SNTB1: variants seen among roughly 807,000 people sequenced by gnomAD.
The protein encoded by SNTB1 is syntrophin beta 1, also known as beta-1-syntrophin.
A neutral mutation model predicts 48.9 loss-of-function variants in SNTB1; 36 were observed. The ratio of observed to expected loss-of-function variants is 0.74; its 90% CI spans 0.56 to 0.97. The LOEUF is 0.97. SNTB1 is among the 50% of genes least tolerant of loss of function. The probability of loss-of-function intolerance (pLI) is 0.00; values close to 1 mark genes in which losing one functional copy is unlikely to be tolerated. For synonymous variants in SNTB1, 299 were observed against 294.6 expected (o/e 1.01, Z -0.15); for missense variants, 786 against 703.4 (o/e 1.12, Z -1.33).
intron 3 of SNTB1, among the ~76,000 whole-genome samples, chr8:120,619,860 C>T (rs993797140): frequency 3.9e-5 from 6 of 152,072 alleles, no homozygotes; most frequent in Admixed American, 2.0e-4. Context: ...TGCATGAAGG[C>T]ATGAAAGACA....
chr8:120,614,497 T>G (rs1415885040), intron 3 of SNTB1, among the ~76,000 whole-genome samples: 2 of 152,364 alleles, frequency 1.3e-5, no homozygotes, highest in East Asian at 3.9e-4. Flanking sequence ...CAGAGTAGCA[T>G]GCCCTTCTAT....
At position 120,707,839 on chromosome 8, in the gene SNTB1, T is replaced by C. The variant is rs74400729; in HGVS notation, c.572-13931A>G. On this transcript the variant is annotated intron_variant, in intron 1 of 6. Coordinates refer to ENST00000517992, the MANE Select transcript of SNTB1 (RefSeq NM_021021.4). The stretch of plus-strand genomic sequence containing the variant: ...TAACATGAAGACATGAGCTAGATTA[T>C]TGCAGTTAATGAGCAATGAATTGCT... 3.9e-5 allele frequency among the ~76,000 whole-genome samples: 6 copies of C among 152,262 alleles called. No homozygotes were observed. The East Asian group carries it at 5.8e-4, about 15-fold the overall frequency.
chr8:120,799,765 A>AT (rs1044777825), intron 1 of SNTB1, among the ~76,000 whole-genome samples: 3 of 151,816 alleles, frequency 2.0e-5, no homozygotes, highest in Non-Finnish European at 4.4e-5. Context: ...TGACTTAGTG[A>AT]TTTTTTCATG....
chr8:120,647,053 TC>T (rs1817309712), intron 2 of SNTB1, among the ~76,000 whole-genome samples: 1 of 146,012 alleles, frequency 6.8e-6, no homozygotes, highest in Non-Finnish European at 1.5e-5. Context: ...GATTCTTCTC[TC>T]TTTTCTTCTT....
intron 2 of SNTB1, among the ~76,000 whole-genome samples, chr8:120,655,745 A>C (rs1399080903): frequency 1.3e-5 from 2 of 152,232 alleles, no homozygotes. Context: ...AGCTTCCCAA[A>C]GATAGAAGCC....
At chr8:120,733,464 G>T (rs1017502071) in intron 1 of SNTB1, among the ~76,000 whole-genome samples, 1 of 152,256 alleles carries the variant, frequency 6.6e-6, no homozygotes, top group Non-Finnish European at 1.5e-5. Context: ...CCAAGCAATA[G>T]ATCTTTTCCA....
At position 120,721,610 on chromosome 8, in the gene SNTB1, A is replaced by G. The variant is rs1008087583; in HGVS notation, c.572-27702T>C. Reference sequence around the variant, plus strand: ...CTGTACTTACAAAATAAATTCATATAAATATAACCATAATGCCATTTTTTA... The same window carrying G: ...CTGTACTTACAAAATAAATTCATATGAATATAACCATAATGCCATTTTTTA... On this transcript the variant is annotated intron_variant, in intron 1 of 6. Coordinates refer to ENST00000517992, the MANE Select transcript of SNTB1 (RefSeq NM_021021.4). Among the ~76,000 whole-genome samples the G allele has an allele frequency of 2.6e-5, 4 of 152,350 alleles. No individual in the cohort carries two copies. The South Asian group carries it at 6.2e-4, about 24-fold the overall frequency.
intron 3 of SNTB1, among the ~76,000 whole-genome samples, chr8:120,576,055 G>A (rs1361250327): frequency 6.6e-6 from 1 of 152,156 alleles, no homozygotes; most frequent in Non-Finnish European, 1.5e-5. Context: ...TAAAAACTCA[G>A]TGAATGCTCA....
At position 120,583,560 on chromosome 8, in the gene SNTB1, C is replaced by CAA. The variant is rs1554646118; in HGVS notation, c.997-8337_997-8336dup. Among the ~76,000 whole-genome samples, 214 of 134,814 alleles carry CAA rather than the reference C, an allele frequency of 1.6e-3. 1 individual carries two copies. The highest frequency in any genetic ancestry group is 5.3e-3 in the African/African-American group (194 of 36,706). 88.4% of individuals were successfully genotyped at this position (134,814 alleles called of 152,430 possible). A position where few individuals can be genotyped will look rare whatever the true frequency, so the allele number is the denominator to read the frequency against. On this transcript the variant is annotated intron_variant, in intron 3 of 6. Transcript: ENST00000517992. Reference sequence around the variant, plus strand: ...ACACACACACACACACACACACACACAAAACTGGAACAGTACTATCTCTCT... The same window carrying CAA: ...ACACACACACACACACACACACACACAAAAAACTGGAACAGTACTATCTCTCT...
At chr8:120,645,537 A>C (rs969446171) in intron 2 of SNTB1, among the ~76,000 whole-genome samples, 5 of 150,746 alleles carry the variant, frequency 3.3e-5, no homozygotes, top group Admixed American at 1.3e-4. Context: ...CTGTTTTGGT[A>C]CCAGTACCAT....
chr8:120,692,454 G>C (rs187887964), intron 2 of SNTB1, among the ~76,000 whole-genome samples: 1 of 152,244 alleles, frequency 6.6e-6, no homozygotes, highest in East Asian at 1.9e-4. Flanking sequence ...CCCATTTGCT[G>C]GCTCGATCCC....
Position 120,541,813 on chromosome 8 carries a change from CTCTCCA to C in SNTB1, c.1515_1520del (p.Asp505_Gly506del). ...GTCTAAAGAAAAGTACACTTACAATCTCTCCATCTTTGCCTCCAAAATCTAAATACA... is the reference window on the plus strand; with the variant it reads ...GTCTAAAGAAAAGTACACTTACAATCTCTTTGCCTCCAAAATCTAAATACA... On this transcript the variant is annotated inframe_deletion, in exon 6 of 7. Coordinates refer to ENST00000517992, the MANE Select transcript of SNTB1 (RefSeq NM_021021.4). The C allele has an allele frequency of 6.2e-7, 1 of 1,608,376 alleles. No individual in the cohort carries two copies. Among genetic ancestry groups the C allele is most frequent in the South Asian group, 1.1e-5 (1 of 90,030 alleles).
In SNTB1 at chr8:120,545,176, T is replaced by C. The variant is rs977614736; in HGVS notation, c.1334-3176A>G. On this transcript the variant is annotated intron_variant, in intron 5 of 6. Coordinates refer to ENST00000517992, the MANE Select transcript of SNTB1 (RefSeq NM_021021.4). Reference sequence around the variant, plus strand: ...GTGACCAACACGGTGAAACCCCATCTCTACTAAAAATACAAAAATTAGCCA... The same window carrying C: ...GTGACCAACACGGTGAAACCCCATCCCTACTAAAAATACAAAAATTAGCCA... Among the ~76,000 whole-genome samples the C allele has an allele frequency of 3.3e-5, 5 of 152,152 alleles. No homozygotes were observed. The South Asian group carries it at 1.0e-3, about 32-fold the overall frequency.
In SNTB1 at chr8:120,693,750, T is replaced by A; in HGVS notation, c.730A>T (p.Ile244Phe). Residue 244 changes from isoleucine to phenylalanine, a missense_variant, in exon 2 of 7, where the codon ATC becomes TTC. By Grantham distance (21) the Ile-to-Phe change is conservative. Coordinates refer to ENST00000517992, the MANE Select transcript of SNTB1 (RefSeq NM_021021.4). Reference protein sequence around the residue: ...SFSFHRDRKSIPLKMCYVTRS... With the variant: ...SFSFHRDRKSFPLKMCYVTRS... ...GTGACGTAGCACATTTTGAGGGGGA[T>A]GCTTTTCCGGTCTCTGTGGAAGGAG... is the stretch of plus-strand genomic sequence containing the variant. The A allele has an allele frequency of 6.2e-7, 1 of 1,613,776 alleles. No individual in the cohort carries two copies. The highest frequency in any genetic ancestry group is 8.5e-7 in the Non-Finnish European group (1 of 1,179,894).
At chr8:120,592,127 T>C (rs1212818838) in intron 3 of SNTB1, among the ~76,000 whole-genome samples, 1 of 152,152 alleles carries the variant, frequency 6.6e-6, no homozygotes, top group African/African-American at 2.4e-5. Context: ...CTAAAAGCTT[T>C]GATAGAAAGC....
intron 1 of SNTB1, among the ~76,000 whole-genome samples, chr8:120,796,643 C>T (rs1754886576): frequency 6.6e-6 from 1 of 152,020 alleles, no homozygotes. Flanking sequence ...TATATTAAAG[C>T]TTCTTTTAGG....
chr8:120,798,840 T>C (rs1820166819), intron 1 of SNTB1, among the ~76,000 whole-genome samples: 1 of 152,084 alleles, frequency 6.6e-6, no homozygotes, highest in Non-Finnish European at 1.5e-5. Flanking sequence ...TGATTTCTTC[T>C]GAACTCTTTT....
intron 1 of SNTB1, among the ~76,000 whole-genome samples, chr8:120,796,975 A>AT (rs1268662341): frequency 1.3e-5 from 2 of 152,084 alleles, no homozygotes; most frequent in South Asian, 4.1e-4. Context: ...AGAGGTATAC[A>AT]TTTTTTAAAA....
At chr8:120,633,695 G>T (rs962734526) in intron 2 of SNTB1, among the ~76,000 whole-genome samples, 1 of 151,904 alleles carries the variant, frequency 6.6e-6, no homozygotes, top group Non-Finnish European at 1.5e-5. Flanking sequence ...TGGAGAAACA[G>T]AGAGAGAGAG....
Sources: gnomAD v4.1 joint callset for allele counts (sites outside exome capture counted in the v4.1 genomes callset) on GRCh38, gnomAD v4.1.1 for gene constraint, MANE v1.5 for transcripts, NCBI Gene and HGNC (gene_info 2026-07-23, HGNC 2026-07-21) for gene names.